The following TUBA3E variants were observed in gnomAD, a reference collection of about 807,000 sequenced individuals.
TUBA3E encodes the protein tubulin alpha-3E chain.
Under a neutral mutation model 36.7 loss-of-function variants are expected in TUBA3E, and 21 were observed. The ratio of observed to expected loss-of-function variants is 0.57; its 90% CI spans 0.41 to 0.83. The LOEUF is 0.83. TUBA3E is among the 40% of genes least tolerant of loss of function. The pLI is 0.00. For synonymous variants in TUBA3E, 177 were observed against 241.9 expected (o/e 0.73, Z 2.49); for missense variants, 469 against 604.2 (o/e 0.78, Z 2.35).
chr2:130,195,628 T>C (rs1690385516), intron 2 of TUBA3E, among the ~76,000 whole-genome samples: 1 of 152,234 alleles, frequency 6.6e-6, no homozygotes, highest in Non-Finnish European at 1.5e-5. Context: ...GCACCCTGGA[T>C]GACCTGGGTC....
rs1284756955 is a variant in TUBA3E, at chr2:130,198,428, C to T, written c.-68G>A. ...AACCGGCTGCCACAGCTGCTGAGCG[C>T]CCAACTGCAATGACCTGCCCACGCG... On this transcript the variant is annotated 5_prime_UTR_variant, in exon 1 of 5. Coordinates refer to ENST00000312988, the MANE Select transcript of TUBA3E (RefSeq NM_207312.3). 7.4e-7 allele frequency: 1 copy of T among 1,350,396 alleles called. No homozygotes were observed. Among genetic ancestry groups the T allele is most frequent in the Admixed American group, 2.2e-5 (1 of 46,392 alleles). 83.7% of individuals were successfully genotyped at this position (1,350,396 alleles called of 1,614,324 possible).
At chr2:130,197,490 C>T (rs1690437989) in intron 1 of TUBA3E, among the ~76,000 whole-genome samples, 1 of 67,004 alleles carries the variant, frequency 1.5e-5, no homozygotes, top group African/African-American at 8.4e-5. Context: ...TGAGTGCTGT[C>T]TCAAAAAAAA....
intron 1 of TUBA3E, among the ~76,000 whole-genome samples, chr2:130,198,002 C>G (rs61318249): frequency 0.024 from 2,920 of 123,310 alleles, 691 homozygotes; most frequent in African/African-American, 0.078. Flanking sequence ...ACCCCCGTCA[C>G]CGAAGGCTCC....
Position 130,194,316 on chromosome 2 carries a change from G to T in TUBA3E, c.526C>A (p.Gln176Lys). 1 of 1,612,822 alleles carries T rather than the reference G, an allele frequency of 6.2e-7. No homozygotes were observed. The highest frequency in any genetic ancestry group is 1.1e-5 in the South Asian group (1 of 90,958). Residue 176 changes from glutamine (Q) to lysine (K), a missense_variant, in exon 4 of 5, where the codon CAG becomes AAG. Gln to Lys is a moderately conservative substitution (Grantham distance 53, BLOSUM62 1). This residue lies in a region of TUBA3E where 169 missense variants were observed against 239.0 expected (regional missense o/e 0.71). Transcript: ENST00000312988. ...GGCTCCACCACGGCTGTGGAGACCTGGGGGGCTGGGTAAATGGCAAACTCT... is the reference window on the plus strand; with the variant it reads ...GGCTCCACCACGGCTGTGGAGACCTTGGGGGCTGGGTAAATGGCAAACTCT... Reference protein sequence around the residue: ...KLEFAIYPAPQVSTAVVEPYN... With the variant: ...KLEFAIYPAPKVSTAVVEPYN...
Position 130,192,029 on chromosome 2 carries a change from C to T in TUBA3E, c.1155G>A (p.Ala385=), listed in dbSNP as rs147352341. Residue 385 remains alanine, a synonymous_variant, in exon 5 of 5, where the codon GCG becomes GCA. Transcript: ENST00000312988. Reference sequence around the variant, plus strand: ...TATGGACCAGGCGGGCCCAGGCCTCCGCAATGGCCGTGGTGTTGCTCAGCA... The same window carrying T: ...TATGGACCAGGCGGGCCCAGGCCTCTGCAATGGCCGTGGTGTTGCTCAGCA... ...VCMLSNTTAI[A]EAWARLVHKF... 437 of 1,614,108 alleles carry T rather than the reference C, an allele frequency of 2.7e-4. No homozygotes were observed. The highest frequency in any genetic ancestry group is 4.9e-4 in the Middle Eastern group (3 of 6,062).
At chr2:130,197,748 A>T (rs1158894635) in intron 1 of TUBA3E, among the ~76,000 whole-genome samples, 1 of 122,920 alleles carries the variant, frequency 8.1e-6, no homozygotes, top group African/African-American at 2.8e-5. Flanking sequence ...CTGGAACCAC[A>T]GACTCGCATC....
At chr2:130,196,041 T>C (rs1459435199) in intron 2 of TUBA3E, 108 bp downstream of exon 2, 5 of 1,370,420 alleles carry the variant, frequency 3.6e-6, no homozygotes, top group Non-Finnish European at 4.9e-6. Flanking sequence ...GGCATATGCC[T>C]GTCTATCCCA....
At chr2:130,194,704 A>C (rs879908908) in intron 3 of TUBA3E, among the ~76,000 whole-genome samples, 5 of 152,030 alleles carry the variant, frequency 3.3e-5, no homozygotes, top group East Asian at 1.9e-4. Flanking sequence ...TTGAGACGGA[A>C]TCTTGCTCTG....
In TUBA3E at chr2:130,193,174, G is replaced by C. The variant is rs1333620520; in HGVS notation, c.1056+612C>G. Among the ~76,000 whole-genome samples, 3 of 151,982 alleles carry C rather than the reference G, an allele frequency of 2.0e-5. No homozygotes were observed. In the East Asian group the frequency reaches 5.8e-4, roughly 29 times the overall value. On this transcript the variant is annotated intron_variant, in intron 4 of 4. Transcript: ENST00000312988. ...GGAGGCTGAGGTGAGAGAATCGCTAGAGTCTGGGAGGCAGAGGTTGCAGTG... is the reference window on the plus strand; with the variant it reads ...GGAGGCTGAGGTGAGAGAATCGCTACAGTCTGGGAGGCAGAGGTTGCAGTG...
intron 4 of TUBA3E, among the ~76,000 whole-genome samples, chr2:130,192,766 T>C (rs528502918): frequency 4.6e-5 from 7 of 152,196 alleles, no homozygotes; most frequent in African/African-American, 1.7e-4. Flanking sequence ...GTGCACAGGG[T>C]CAACTAGAGC....
intron 4 of TUBA3E, 88 bp from the exon 5 acceptor site, chr2:130,192,215 G>C (rs1220467532): frequency 6.6e-7 from 1 of 1,521,268 alleles, no homozygotes; most frequent in Non-Finnish European, 8.8e-7. Context: ...AAGACACCCT[G>C]TAGGTGACAC....
chr2:130,196,023 A>G (rs544681891), intron 2 of TUBA3E, 126 bp downstream of exon 2: 10 of 1,382,928 alleles, frequency 7.2e-6, no homozygotes, highest in Admixed American at 2.8e-5. Flanking sequence ...TCTCCTAACA[A>G]TGCCATGGGC....
chr2:130,198,057 G>A (rs1479378949), intron 1 of TUBA3E, among the ~76,000 whole-genome samples: 1 of 123,364 alleles, frequency 8.1e-6, no homozygotes, highest in African/African-American at 2.9e-5. Context: ...CGTGTGAAGC[G>A]GGAGCAGCGC....
chr2:130,196,398 C>G, intron 1 of TUBA3E, 27 bp from the exon 2 acceptor site: 1 of 1,601,120 alleles, frequency 6.2e-7, no homozygotes, highest in Non-Finnish European at 8.5e-7. Context: ...AAATGTGAAC[C>G]CATTCATTTC....
In TUBA3E at chr2:130,198,217, T is replaced by C. The variant is rs1263340355; in HGVS notation, c.3+141A>G. 7.2e-6 allele frequency: 7 copies of C among 967,154 alleles called. 1 individual carries two copies. Among genetic ancestry groups the C allele is most frequent in the African/African-American group, 1.8e-5 (1 of 55,224 alleles). The allele number at this position is 967,154 out of a possible 1,614,324, so 59.9% of individuals were successfully genotyped here. ...CCTGCAGATCCAGGAAACGATCCCG[T>C]GTCCTCCTGTCCCGCACTAGACCCT... is the stretch of plus-strand genomic sequence containing the variant. On this transcript the variant is annotated intron_variant, in intron 1 of 4. Coordinates refer to ENST00000312988, the MANE Select transcript of TUBA3E (RefSeq NM_207312.3).
intron 3 of TUBA3E, 70 bp downstream of exon 3, chr2:130,195,009 T>C (rs1690369008): frequency 6.3e-7 from 1 of 1,588,980 alleles, no homozygotes; most frequent in Non-Finnish European, 8.6e-7. Context: ...ATAAAATGAC[T>C]TCCCTTTCAC....
At chr2:130,192,929 A>G (rs1690302378) in intron 4 of TUBA3E, among the ~76,000 whole-genome samples, 2 of 152,104 alleles carry the variant, frequency 1.3e-5, no homozygotes, top group Admixed American at 1.3e-4. Context: ...TCCCATCTCT[A>G]CTAAAAATAC....
intron 1 of TUBA3E, among the ~76,000 whole-genome samples, chr2:130,197,304 T>C (rs1690431497): frequency 2.0e-5 from 3 of 150,308 alleles, no homozygotes; most frequent in Admixed American, 1.3e-4. Context: ...CTGGGTAACA[T>C]AGTGAGTCCC....
chr2:130,194,973 C>A, intron 3 of TUBA3E, 106 bp downstream of exon 3: 2 of 1,550,814 alleles, frequency 1.3e-6, no homozygotes, highest in Admixed American at 3.6e-5. Context: ...CCACCGCGCC[C>A]GGCCAAGATG....
Sources: gnomAD v4.1 joint callset for allele counts (sites outside exome capture counted in the v4.1 genomes callset) on GRCh38, gnomAD v4.1.1 for gene constraint, gnomAD v4.1.1 regional missense constraint, MANE v1.5 for transcripts, NCBI Gene and HGNC (gene_info 2026-07-23, HGNC 2026-07-21) for gene names.